Variants in CPLANE1 observed in about 807,000 individuals in gnomAD.
CPLANE1 encodes the protein ciliogenesis and planar polarity effector 1.
Under a neutral mutation model 362.5 loss-of-function variants are expected in CPLANE1, and 263 were observed. The ratio of observed to expected loss-of-function variants is 0.73; its 90% CI spans 0.66 to 0.80. The LOEUF is 0.80. Ranked by LOEUF, CPLANE1 falls within the 30% of genes least tolerant of loss-of-function variation. The pLI is 0.00. For synonymous variants in CPLANE1, 1,212 were observed against 1,302.6 expected, an observed-to-expected ratio of 0.93 and a Z score of 1.50; for missense variants, 3,461 against 3,793.4, an observed-to-expected ratio of 0.91 and a Z score of 2.30.
intron 35 of CPLANE1, among the ~76,000 whole-genome samples, chr5:37,166,553 A>T (rs962213245): frequency 1.3e-5 from 2 of 152,230 alleles, no homozygotes; most frequent in African/African-American, 4.8e-5. Flanking sequence ...TATAATTGTT[A>T]TATTTTATTA....
At chr5:37,099,339 T>C in the CPLANE1 span, among the ~76,000 whole-genome samples, 1 of 152,174 alleles carries the variant, frequency 6.6e-6, no homozygotes, top group Admixed American at 6.6e-5. Flanking sequence ...CCCGCCGCAA[T>C]GTGTCCATGT....
At position 37,169,039 on chromosome 5, in the gene CPLANE1, G is replaced by A. The variant is rs1207045681; in HGVS notation, c.6985C>T (p.Gln2329Ter). The stretch of plus-strand genomic sequence containing the variant: ...TTTATAAACACTGAAGAGTCCTGTT[G>A]AGGTGTCAAATTTTCTTGTCCAACA... ...QYVGQENLTP[Q>*]QDSSVFIKPE... is the part of the protein sequence containing the mutation. Residue 2329 changes from glutamine (Q) to a stop codon, truncating the protein, a stop_gained, in exon 34 of 53, where the codon CAA (glutamine) becomes TAA (stop). Transcript: ENST00000651892. LOFTEE classifies it high-confidence loss of function. The A allele has an allele frequency of 1.9e-6, 3 of 1,614,178 alleles. No individual in the cohort carries two copies. Among genetic ancestry groups the A allele is most frequent in the Non-Finnish European group, 2.5e-6 (3 of 1,180,032 alleles).
chr5:37,209,810 A>G lies in CPLANE1; in HGVS notation c.2921-3385T>C. The stretch of plus-strand genomic sequence containing the variant: ...TGCATTTTTTAAAAGGATTGGCAGA[A>G]TATCATCAAGCTAAAGAAAGTTGTA... On this transcript the variant is annotated intron_variant, in intron 16 of 52. Coordinates refer to ENST00000651892, the MANE Select transcript of CPLANE1 (RefSeq NM_001384732.1). This position sits in a 1 kb window ranked among gnomAD's most constrained non-coding sequence, Gnocchi z 4.6. 7.5e-7 allele frequency: 1 copy of G among 1,337,980 alleles called. No homozygotes were observed. The allele number at this position is 1,337,980 out of a possible 1,614,324, so 82.9% of individuals were successfully genotyped here.
chr5:37,232,839 CAAAAAAAAAAA>C (rs765038993), intron 8 of CPLANE1, among the ~76,000 whole-genome samples: 2 of 62,030 alleles, frequency 3.2e-5, no homozygotes, highest in Non-Finnish European at 6.6e-5. Flanking sequence ...GACCTTGTTG[CAAAAAAAAAAA>C]AAAAAAAAAA....
chr5:37,077,645 G>T, the CPLANE1 span, among the ~76,000 whole-genome samples: 5 of 116,994 alleles, frequency 4.3e-5, no homozygotes, highest in Non-Finnish European at 4.8e-5. Flanking sequence ...ACAGGGTCTC[G>T]CTCTGTTACC....
intron 25 of CPLANE1, 131 bp downstream of exon 25, chr5:37,184,657 G>A: frequency 3.0e-6 from 2 of 669,534 alleles, no homozygotes; most frequent in Non-Finnish European, 5.1e-6. Context: ...TGGAGGGGGT[G>A]GCACTTATCA....
rs541909784 is a variant in CPLANE1 at position 37,247,424 on chromosome 5, T to C, written c.81+194A>G. 2.0e-5 allele frequency among the ~76,000 whole-genome samples: 3 copies of C among 152,344 alleles called. No individual in the cohort carries two copies. In the South Asian group the frequency reaches 6.2e-4, roughly 32 times the overall value. ...AAACCACTTAACATTCTGGAAAAGCTAACTTGCTCATTATAATAAAAACGA... is the reference window on the plus strand; with the variant it reads ...AAACCACTTAACATTCTGGAAAAGCCAACTTGCTCATTATAATAAAAACGA... On this transcript the variant is annotated intron_variant, in intron 2 of 52. Transcript: ENST00000651892.
chr5:37,137,915 G>C (rs1313415145), intron 46 of CPLANE1, among the ~76,000 whole-genome samples: 1 of 151,024 alleles, frequency 6.6e-6, no homozygotes, highest in African/African-American at 2.5e-5. Flanking sequence ...CAGATATCAG[G>C]GTTGTTTTTT....
At chr5:37,086,766 T>C in the CPLANE1 span, among the ~76,000 whole-genome samples, 1 of 152,008 alleles carries the variant, frequency 6.6e-6, no homozygotes, top group African/African-American at 2.4e-5. Context: ...CTTCTTAGAG[T>C]CTGTAAGTGG....
In CPLANE1 at chr5:37,108,506, T is replaced by C. The variant is rs753002869; in HGVS notation, c.9401-35A>G. The C allele has an allele frequency of 9.0e-6, 14 of 1,555,054 alleles. No homozygotes were observed. In the East Asian group the frequency reaches 1.1e-4, roughly 13 times the overall value. ...GATAAGAACAAAGCACACATTGGGA[T>C]TGATTCATTCATTCATTCATTCATT... On this transcript the variant is annotated intron_variant, in intron 51 of 52. Transcript: ENST00000651892.
chr5:37,222,682 T>C (rs560792340), intron 14 of CPLANE1, among the ~76,000 whole-genome samples: 1 of 152,342 alleles, frequency 6.6e-6, no homozygotes, highest in Admixed American at 6.5e-5. Context: ...TCTCAGTGAA[T>C]GCTGCTCTTT....
In CPLANE1 at chr5:37,243,136, T is replaced by C; in HGVS notation, c.571-17A>G. On this transcript the variant is annotated splice_polypyrimidine_tract_variant and intron_variant, in intron 5 of 52. Transcript: ENST00000651892. ...TCCAAATAACTGTAGATAAATTTAATATACTTTAGTATAAAATTAATCTGA... is the reference window on the plus strand; with the variant it reads ...TCCAAATAACTGTAGATAAATTTAACATACTTTAGTATAAAATTAATCTGA... The C allele has an allele frequency of 7.5e-7, 1 of 1,341,718 alleles. No homozygotes were observed. The highest frequency in any genetic ancestry group is 1.0e-6 in the Non-Finnish European group (1 of 978,484). The allele number at this position is 1,341,718 out of a possible 1,614,324, so 83.1% of individuals were successfully genotyped here.
At chr5:37,225,585 C>T (rs564509974) in intron 12 of CPLANE1, among the ~76,000 whole-genome samples, 1 of 152,174 alleles carries the variant, frequency 6.6e-6, no homozygotes, top group East Asian at 2.0e-4. Flanking sequence ...GGCGTGGTGG[C>T]TCACGCCTAT....
intron 14 of CPLANE1, among the ~76,000 whole-genome samples, chr5:37,221,748 T>C (rs1795402108): frequency 1.3e-5 from 2 of 152,096 alleles, no homozygotes; most frequent in Admixed American, 1.3e-4. Flanking sequence ...GCAGTTTCAG[T>C]CTTCAGATAT....
intron 8 of CPLANE1, among the ~76,000 whole-genome samples, chr5:37,232,695 T>G: frequency 1.4e-5 from 2 of 146,144 alleles, no homozygotes; most frequent in Admixed American, 6.8e-5. Flanking sequence ...AAAAAAACAG[T>G]CGTGGTGGCG....
chr5:37,158,255 G>A lies in CPLANE1; in HGVS notation c.7781C>T (p.Ser2594Leu). The A allele has an allele frequency of 6.2e-7, 1 of 1,613,828 alleles. No individual in the cohort carries two copies. The highest frequency in any genetic ancestry group is 8.5e-7 in the Non-Finnish European group (1 of 1,179,864). The change falls in exon 39 of 53, where the codon TCA (serine) becomes TTA (leucine). Residue 2594 changes from serine to leucine, a missense_variant. Ser to Leu is a moderately radical substitution (Grantham distance 145, BLOSUM62 -2). This residue lies in a region of CPLANE1 where 3,380 missense variants were observed against 3,666.1 expected (regional missense o/e 0.92). Transcript: ENST00000651892. Reference sequence around the variant, plus strand: ...TGTTACTGTATGAGGTATTGAGGGTGACCAAGGTTTCTCTGACATTTCACT... The same window carrying A: ...TGTTACTGTATGAGGTATTGAGGGTAACCAAGGTTTCTCTGACATTTCACT... ...LSSEMSEKPW[S>L]PSIPHTVTNL...
rs1374830797 is a variant in CPLANE1 at position 37,114,980 on chromosome 5, G to C, written c.9380C>G (p.Ser3127Cys). Residue 3127 changes from serine to cysteine, a missense_variant, in exon 51 of 53, where the codon TCT becomes TGT. Ser to Cys is a moderately radical substitution (Grantham distance 112). Around this residue, in one of 2 missense-constraint regions of CPLANE1, gnomAD observed 3,380 missense variants for 3,666.1 expected, o/e 0.92. Transcript: ENST00000651892. ...AKAAVRKATQ[S>C]PVTFQKGSNA... ...CTTACCTTTTTGGAAGGTAACTGGAGACTGCGTAGCCTTTCTTACTGCTGC... is the reference window on the plus strand; with the variant it reads ...CTTACCTTTTTGGAAGGTAACTGGACACTGCGTAGCCTTTCTTACTGCTGC... 5 of 1,609,322 alleles carry C rather than the reference G, an allele frequency of 3.1e-6. No individual in the cohort carries two copies. Among genetic ancestry groups the C allele is most frequent in the Non-Finnish European group, 4.2e-6 (5 of 1,176,526 alleles).
intron 8 of CPLANE1, among the ~76,000 whole-genome samples, chr5:37,236,103 G>A (rs771532734): frequency 2.0e-5 from 3 of 150,676 alleles, no homozygotes; most frequent in African/African-American, 2.4e-5. Context: ...TCCAACTCCC[G>A]AACTCAGGTG....
At chr5:37,095,172 C>T in the CPLANE1 span, among the ~76,000 whole-genome samples, 3 of 152,192 alleles carry the variant, frequency 2.0e-5, no homozygotes, top group South Asian at 6.2e-4. Context: ...AATATAGATG[C>T]TAAAATCCTT....
Sources: gnomAD v4.1 joint callset for allele counts (sites outside exome capture counted in the v4.1 genomes callset) on GRCh38, gnomAD v4.1.1 for gene constraint, gnomAD v4.1.1 regional missense constraint, Gnocchi (gnomAD v3.1) non-coding constraint, MANE v1.5 for transcripts, NCBI Gene and HGNC (gene_info 2026-07-23, HGNC 2026-07-21) for gene names.